Variants in UNC5C observed in about 807,000 individuals in gnomAD.
The protein encoded by UNC5C is netrin receptor UNC5C.
A neutral mutation model predicts 99.8 loss-of-function variants in UNC5C; 47 were observed. That is an observed-to-expected ratio of 0.47 (90% confidence interval 0.37 to 0.60). UNC5C has a LOEUF of 0.60. UNC5C is among the 20% of genes least tolerant of loss of function. The pLI is 0.00. For missense variants in UNC5C, 1,062 were observed against 1,165.9 expected, an observed-to-expected ratio of 0.91 and a Z score of 1.30; for synonymous variants, 487 against 452.2, an observed-to-expected ratio of 1.08 and a Z score of -0.98.
chr4:95,392,931 A>G (rs1402549163), intron 1 of UNC5C, among the ~76,000 whole-genome samples: 1 of 152,232 alleles, frequency 6.6e-6, no homozygotes, highest in Non-Finnish European at 1.5e-5. Context: ...TAAAAGTAAA[A>G]GTCTCCCATA....
intron 7 of UNC5C, among the ~76,000 whole-genome samples, chr4:95,224,244 C>A (rs1417641661): frequency 6.6e-6 from 1 of 152,198 alleles, no homozygotes; most frequent in Admixed American, 6.5e-5. Flanking sequence ...GATTGCGCCA[C>A]TGCACTCCAG....
intron 2 of UNC5C, among the ~76,000 whole-genome samples, chr4:95,317,762 T>C (rs769315768): frequency 6.6e-6 from 1 of 152,162 alleles, no homozygotes; most frequent in Non-Finnish European, 1.5e-5. Flanking sequence ...CTGTTCCATT[T>C]ATAGTTACCT....
At chr4:95,334,446 T>C (rs1262331278) in intron 2 of UNC5C, among the ~76,000 whole-genome samples, 1 of 151,936 alleles carries the variant, frequency 6.6e-6, no homozygotes, top group Non-Finnish European at 1.5e-5. Context: ...TGTTGAATAA[T>C]AAAGTATTAA....
At chr4:95,292,536 C>A (rs1741515713) in intron 3 of UNC5C, among the ~76,000 whole-genome samples, 1 of 151,838 alleles carries the variant, frequency 6.6e-6, no homozygotes, top group Non-Finnish European at 1.5e-5. Flanking sequence ...AAAACCAAAC[C>A]CAAATCTTTG....
At chr4:95,523,351 T>A (rs1385445316) in intron 1 of UNC5C, among the ~76,000 whole-genome samples, 1 of 152,156 alleles carries the variant, frequency 6.6e-6, no homozygotes, top group African/African-American at 2.4e-5. Flanking sequence ...ACTGGGCCAG[T>A]AAAGGAGATA....
At chr4:95,509,990 G>A (rs988816725) in intron 1 of UNC5C, among the ~76,000 whole-genome samples, 6 of 151,770 alleles carry the variant, frequency 4.0e-5, no homozygotes, top group African/African-American at 1.5e-4. Flanking sequence ...TGTAATAGAA[G>A]ACAGGAAAAA....
At chr4:95,355,132 G>A (rs750613919) in intron 1 of UNC5C, among the ~76,000 whole-genome samples, 8 of 152,058 alleles carry the variant, frequency 5.3e-5, no homozygotes, top group Non-Finnish European at 7.4e-5. Flanking sequence ...TTAAATATGA[G>A]TACTGCTGCT....
At chr4:95,221,743 GTACT>G (rs1265070546) in intron 7 of UNC5C, among the ~76,000 whole-genome samples, 1 of 152,178 alleles carries the variant, frequency 6.6e-6, no homozygotes, top group Non-Finnish European at 1.5e-5. Flanking sequence ...TGCTTTCAAA[GTACT>G]TACTTCACTT....
chr4:95,179,520 G>A (rs1736517462), intron 14 of UNC5C, among the ~76,000 whole-genome samples: 1 of 152,150 alleles, frequency 6.6e-6, no homozygotes. Context: ...GCTGAGGTGG[G>A]TGGATGACCT....
At chr4:95,394,116 C>T (rs914308513) in intron 1 of UNC5C, among the ~76,000 whole-genome samples, 3 of 152,078 alleles carry the variant, frequency 2.0e-5, no homozygotes, top group African/African-American at 7.2e-5. Flanking sequence ...AAAGCTCATA[C>T]TGTGAAATAA....
intron 3 of UNC5C, 137 bp from the exon 4 acceptor site, chr4:95,278,499 G>C: frequency 1.5e-6 from 1 of 656,252 alleles, no homozygotes; most frequent in Non-Finnish European, 2.6e-6. Context: ...TTTTGAGACA[G>C]GGTCTCACTC....
intron 1 of UNC5C, among the ~76,000 whole-genome samples, chr4:95,435,947 A>C (rs1318136534): frequency 2.0e-5 from 3 of 151,938 alleles, no homozygotes; most frequent in Non-Finnish European, 4.4e-5. Flanking sequence ...TTTATTTCCA[A>C]TTTTGCATAG....
At chr4:95,277,678 C>T (rs1351149967) in intron 4 of UNC5C, among the ~76,000 whole-genome samples, 4 of 152,030 alleles carry the variant, frequency 2.6e-5, no homozygotes, top group African/African-American at 9.7e-5. Flanking sequence ...TCATTAGCAA[C>T]CAATAGGCTT....
chr4:95,481,125 A>C (rs1326373868), intron 1 of UNC5C, among the ~76,000 whole-genome samples: 14 of 151,872 alleles, frequency 9.2e-5, no homozygotes, highest in Non-Finnish European at 1.5e-4. Context: ...GTCTCAGCCC[A>C]AAATCTCCTT....
At chr4:95,320,422 C>CAAAAAAAAA (rs34842898) in intron 2 of UNC5C, among the ~76,000 whole-genome samples, 8 of 94,654 alleles carry the variant, frequency 8.5e-5, no homozygotes, top group East Asian at 7.5e-4. Context: ...AATTCCATCT[C>CAAAAAAAAA]AAAAAAAAAA....
chr4:95,221,721 T>C (rs1219173129), intron 7 of UNC5C, among the ~76,000 whole-genome samples: 1 of 152,220 alleles, frequency 6.6e-6, no homozygotes, highest in African/African-American at 2.4e-5. Context: ...ATACTCGTGA[T>C]TGGGTGAGTG....
intron 1 of UNC5C, among the ~76,000 whole-genome samples, chr4:95,407,810 G>A (rs1378724476): frequency 1.3e-5 from 2 of 152,164 alleles, no homozygotes; most frequent in East Asian, 1.9e-4. Flanking sequence ...GGGCAGCTAG[G>A]AGAGGGGAGC....
chr4:95,302,220 A>C (rs1741907280), intron 2 of UNC5C, among the ~76,000 whole-genome samples: 1 of 152,252 alleles, frequency 6.6e-6, no homozygotes, highest in Non-Finnish European at 1.5e-5. Context: ...ATTAAATGGC[A>C]CATCGTTTTT....
rs374822297 is a variant in UNC5C at position 95,548,755 on chromosome 4, C to T, written c.103G>A (p.Gly35Ser). The T allele has an allele frequency of 1.3e-5, 21 of 1,612,886 alleles. No individual in the cohort carries two copies. Among genetic ancestry groups the T allele is most frequent in the Non-Finnish European group, 1.6e-5 (19 of 1,179,730 alleles). Residue 35 changes from glycine (G) to serine (S), a missense_variant, in exon 1 of 16, where the codon GGC becomes AGC. Gly to Ser is a moderately conservative substitution (Grantham distance 56). Coordinates refer to ENST00000453304, the MANE Select transcript of UNC5C (RefSeq NM_003728.4). ...TTACCTTGGGCGGCGGAGCCAGTGCCGCTGGCGCTGAGCAGGGCCAGGGCA... is the reference window on the plus strand; with the variant it reads ...TTACCTTGGGCGGCGGAGCCAGTGCTGCTGGCGCTGAGCAGGGCCAGGGCA... ...LPALALLSAS[G>S]TGSAAQDDDF...
Sources: gnomAD v4.1 joint callset for allele counts (sites outside exome capture counted in the v4.1 genomes callset) on GRCh38, gnomAD v4.1.1 for gene constraint, MANE v1.5 for transcripts, NCBI Gene and HGNC (gene_info 2026-07-23, HGNC 2026-07-21) for gene names.